Variants in PLA2G4D observed in about 807,000 individuals in gnomAD.
The protein encoded by PLA2G4D is phospholipase A2 group IVD.
A neutral mutation model predicts 94.4 loss-of-function variants in PLA2G4D; 80 were observed. The observed-to-expected ratio is 0.85, with a 90% CI of 0.71 to 1.02. The LOEUF (loss-of-function observed/expected upper bound fraction) is 1.02, where lower values mean the gene tolerates loss of function less well. Among genes scored for constraint, PLA2G4D ranks in the 50% least tolerant of loss-of-function variants. The pLI is 0.00. For missense variants in PLA2G4D, 1,050 were observed against 1,034.7 expected (o/e 1.01, Z -0.20); for synonymous variants, 438 against 440.9 (o/e 0.99, Z 0.08).
At chr15:42,092,537 T>C (rs1255433078) in intron 1 of PLA2G4D, among the ~76,000 whole-genome samples, 2 of 152,188 alleles carry the variant, frequency 1.3e-5, no homozygotes, top group Non-Finnish European at 2.9e-5. Context: ...CCTGAGGGCA[T>C]AGGGGCGTCA....
chr15:42,089,751 C>T (rs992193154), intron 1 of PLA2G4D, among the ~76,000 whole-genome samples: 3 of 152,168 alleles, frequency 2.0e-5, no homozygotes, highest in South Asian at 2.1e-4. Flanking sequence ...AGCCCAGCCT[C>T]GCTCCCCTGC....
rs927382670 is a variant in PLA2G4D at position 42,087,289 on chromosome 15, C to T, written c.255+11G>A. On this transcript the variant is annotated intron_variant, in intron 3 of 19. Coordinates refer to ENST00000290472, the MANE Select transcript of PLA2G4D (RefSeq NM_178034.4). ...TTCACAAGGGAGTGGCCAGGAGTCC[C>T]GGGCCTTCACCTTGACCTGACTTTG... 106 of 1,613,832 alleles carry T rather than the reference C, an allele frequency of 6.6e-5. No individual in the cohort carries two copies. The highest frequency in any genetic ancestry group is 4.9e-4 in the Middle Eastern group (3 of 6,084).
intron 1 of PLA2G4D, 59 bp downstream of exon 1, chr15:42,094,356 T>A: frequency 6.3e-7 from 1 of 1,591,194 alleles, no homozygotes. Flanking sequence ...CTTCCCAGAA[T>A]GCACCCTGGC....
intron 18 of PLA2G4D, 187 bp from the exon 19 acceptor site, chr15:42,070,282 AATGTT>A (rs1889778318): frequency 3.4e-6 from 2 of 587,702 alleles, no homozygotes; most frequent in Admixed American, 7.8e-5. Context: ...GGTGGTCTGC[AATGTT>A]GTTTGGTTAA....
Position 42,071,805 on chromosome 15 carries a change from C to T in PLA2G4D, c.1542G>A (p.Arg514=), listed in dbSNP as rs1349135838. 1 of 1,614,184 alleles carries T rather than the reference C, an allele frequency of 6.2e-7. No homozygotes were observed. Among genetic ancestry groups the T allele is most frequent in the East Asian group, 2.2e-5 (1 of 44,878 alleles). ...GAAAGCAGATCCGGGGCTCCGGGATCCTCCTCATCAGCCGTCCCATGAAGA... is the reference window on the plus strand; with the variant it reads ...GAAAGCAGATCCGGGGCTCCGGGATTCTCCTCATCAGCCGTCCCATGAAGA... ...SEFFMGRLMR[R]IPEPRICFLE... Residue 514 remains arginine, a synonymous_variant, in exon 15 of 20, where the codon AGG becomes AGA. Coordinates refer to ENST00000290472, the MANE Select transcript of PLA2G4D (RefSeq NM_178034.4).
At chr15:42,088,545 C>A (rs769310266) in intron 1 of PLA2G4D, among the ~76,000 whole-genome samples, 1 of 152,218 alleles carries the variant, frequency 6.6e-6, no homozygotes, top group Non-Finnish European at 1.5e-5. Flanking sequence ...AGTTTCTGTT[C>A]TTCCTGAGCC....
chr15:42,072,410 C>A lies in PLA2G4D; in HGVS notation c.1318-18G>T, dbSNP rs1269465572. On this transcript the variant is annotated intron_variant, in intron 13 of 19. Coordinates refer to ENST00000290472, the MANE Select transcript of PLA2G4D (RefSeq NM_178034.4). Reference sequence around the variant, plus strand: ...TCCATCACCTGGGGCCAGAGGGCATCAGGGCCTAAGTGAGGCTGGGAGTAC... The same window carrying A: ...TCCATCACCTGGGGCCAGAGGGCATAAGGGCCTAAGTGAGGCTGGGAGTAC... 6.2e-7 allele frequency: 1 copy of A among 1,603,472 alleles called. No individual in the cohort carries two copies. Among genetic ancestry groups the A allele is most frequent in the Non-Finnish European group, 8.5e-7 (1 of 1,172,474 alleles).
At chr15:42,074,055 C>T (rs1313721908) in intron 13 of PLA2G4D, among the ~76,000 whole-genome samples, 1 of 152,178 alleles carries the variant, frequency 6.6e-6, no homozygotes, top group African/African-American at 2.4e-5. Flanking sequence ...AATGTGTGTA[C>T]GTGACCCCTT....
At chr15:42,087,071 G>A (rs902007974) in intron 3 of PLA2G4D, among the ~76,000 whole-genome samples, 28 of 152,244 alleles carry the variant, frequency 1.8e-4, no homozygotes, top group South Asian at 2.1e-4. Context: ...GCTGGGCTTC[G>A]AGAGGAACCC....
At chr15:42,072,029 C>G (rs1889834719) in intron 14 of PLA2G4D, 118 bp from the exon 15 acceptor site, 2 of 1,341,482 alleles carry the variant, frequency 1.5e-6, no homozygotes, top group Non-Finnish European at 2.0e-6. Flanking sequence ...GTGCCTGGCA[C>G]CAATGCAGCA....
At chr15:42,077,647 A>C (rs1018390460) in intron 13 of PLA2G4D, among the ~76,000 whole-genome samples, 3 of 152,260 alleles carry the variant, frequency 2.0e-5, no homozygotes, top group African/African-American at 4.8e-5. Flanking sequence ...AGGTAAAGAC[A>C]ATGCTGGCAC....
rs1420821843 is a variant in PLA2G4D at position 42,071,874 on chromosome 15, C to T, written c.1473G>A (p.Leu491=). The change falls in exon 15 of 20, where the codon CTG becomes CTA. Residue 491 remains leucine (L), a synonymous_variant. Coordinates refer to ENST00000290472, the MANE Select transcript of PLA2G4D (RefSeq NM_178034.4). ...CAGGAGGGACGAAGGCCCCGTACTT[C>T]AGGAAACCGACCTCATAGGGGGAGA... is the stretch of plus-strand genomic sequence containing the variant. ...VEFSPYEVGF[L]KYGAFVPPEL... 1 of 1,614,186 alleles carries T rather than the reference C, an allele frequency of 6.2e-7. No homozygotes were observed. Among genetic ancestry groups the T allele is most frequent in the South Asian group, 1.1e-5 (1 of 91,086 alleles).
intron 3 of PLA2G4D, among the ~76,000 whole-genome samples, chr15:42,087,004 T>C (rs1192964342): frequency 6.6e-6 from 1 of 152,176 alleles, no homozygotes; most frequent in Admixed American, 6.5e-5. Flanking sequence ...ACGCATTATC[T>C]CATCTCACCC....
At chr15:42,085,354 C>A in intron 5 of PLA2G4D, 137 bp downstream of exon 5, 1 of 1,120,266 alleles carries the variant, frequency 8.9e-7, no homozygotes, top group Non-Finnish European at 1.4e-6. Flanking sequence ...GAAGCCCCGC[C>A]CCACTCCCGA....
chr15:42,074,360 C>T (rs1004536162), intron 13 of PLA2G4D, among the ~76,000 whole-genome samples: 3 of 152,138 alleles, frequency 2.0e-5, no homozygotes, highest in Non-Finnish European at 2.9e-5. Context: ...GGTGCAGTAC[C>T]GGCAATGCAG....
intron 14 of PLA2G4D, among the ~76,000 whole-genome samples, 165 bp downstream of exon 14, chr15:42,072,110 C>T (rs1445981152): frequency 1.3e-5 from 2 of 152,338 alleles, no homozygotes; most frequent in African/African-American, 4.8e-5. Context: ...TCAAGCACTA[C>T]CCACTCTCAA....
At chr15:42,076,777 T>C (rs1889936692) in intron 13 of PLA2G4D, among the ~76,000 whole-genome samples, 1 of 152,190 alleles carries the variant, frequency 6.6e-6, no homozygotes. Context: ...CACAACTCCT[T>C]TGGAGAATGG....
intron 14 of PLA2G4D, among the ~76,000 whole-genome samples, 168 bp downstream of exon 14, chr15:42,072,107 C>T (rs1595590626): frequency 6.6e-6 from 1 of 152,230 alleles, no homozygotes; most frequent in African/African-American, 2.4e-5. Flanking sequence ...CCCTCAAGCA[C>T]TACCCACTCT....
intron 6 of PLA2G4D, 49 bp from the exon 7 acceptor site, chr15:42,083,828 G>T: frequency 1.3e-6 from 2 of 1,595,208 alleles, no homozygotes; most frequent in Non-Finnish European, 1.7e-6. Context: ...GTAAGCTGAG[G>T]TCCCCTTAAC....
Sources: allele counts gnomAD v4.1 joint callset (sites outside exome capture counted in the v4.1 genomes callset), GRCh38; gene constraint gnomAD v4.1.1; transcripts MANE v1.5; gene names NCBI Gene and HGNC (gene_info 2026-07-23, HGNC 2026-07-21).